RELN: variants seen among roughly 807,000 people sequenced by gnomAD.
The protein encoded by RELN is reelin.
A neutral mutation model predicts 427.6 loss-of-function variants in RELN; 108 were observed. The ratio of observed to expected loss-of-function variants is 0.25; its 90% CI spans 0.22 to 0.30. The LOEUF (loss-of-function observed/expected upper bound fraction) is 0.30. Among genes scored for constraint, RELN ranks in the 10% least tolerant of loss-of-function variants. The probability of loss-of-function intolerance (pLI) is 1.00; values close to 1 mark genes in which losing one functional copy is unlikely to be tolerated. For missense variants in RELN, 3,715 were observed against 4,302.8 expected (o/e 0.86, Z 3.82); for synonymous variants, 1,524 against 1,513.4 (o/e 1.01, Z -0.16).
chr7:103,523,052 G>C (rs1829745675), intron 47 of RELN, among the ~76,000 whole-genome samples: 1 of 152,162 alleles, frequency 6.6e-6, no homozygotes. Context: ...AAATACTCAT[G>C]ATGTATTAGT....
chr7:103,588,852 C>T (rs2382876), intron 28 of RELN, among the ~76,000 whole-genome samples: 114,766 of 151,370 alleles, frequency 0.76, 44,087 homozygotes, highest in African/African-American at 0.88. Flanking sequence ...GACTTCTGCA[C>T]TTCCCACACT....
At chr7:103,852,465 A>T (rs1056976083) in intron 2 of RELN, among the ~76,000 whole-genome samples, 1 of 152,142 alleles carries the variant, frequency 6.6e-6, no homozygotes, top group East Asian at 1.9e-4. Flanking sequence ...TCACATATGA[A>T]ATATAGAAGA....
chr7:103,952,965 C>T (rs1057125758), intron 1 of RELN, among the ~76,000 whole-genome samples: 3 of 152,134 alleles, frequency 2.0e-5, no homozygotes, highest in African/African-American at 7.2e-5. Context: ...CCCCTCTCTC[C>T]TCGCTATGCA....
chr7:103,699,019 C>G (rs1834036036), intron 9 of RELN, among the ~76,000 whole-genome samples: 1 of 152,114 alleles, frequency 6.6e-6, no homozygotes. Context: ...AGATCATCCT[C>G]AAAAACATGA....
At chr7:103,807,371 G>T (rs1049398921) in intron 3 of RELN, among the ~76,000 whole-genome samples, 1 of 152,136 alleles carries the variant, frequency 6.6e-6, no homozygotes, top group Non-Finnish European at 1.5e-5. Context: ...AGTGGCACTG[G>T]ATACTTTTTG....
chr7:103,616,871 G>A (rs1832092369), intron 20 of RELN, among the ~76,000 whole-genome samples: 1 of 152,012 alleles, frequency 6.6e-6, no homozygotes, highest in Non-Finnish European at 1.5e-5. Flanking sequence ...ATACATCCTT[G>A]TATATCTTTG....
chr7:103,907,074 T>C (rs1169838617), intron 2 of RELN, among the ~76,000 whole-genome samples: 1 of 151,776 alleles, frequency 6.6e-6, no homozygotes, highest in Non-Finnish European at 1.5e-5. Flanking sequence ...TAAAAAGAAG[T>C]AGTGATATAT....
chr7:103,537,361 G>A (rs1167520264), intron 45 of RELN, among the ~76,000 whole-genome samples: 1 of 152,094 alleles, frequency 6.6e-6, no homozygotes, highest in East Asian at 1.9e-4. Context: ...CATTGGCTCT[G>A]GAGCTAATCT....
intron 22 of RELN, among the ~76,000 whole-genome samples, chr7:103,609,298 T>C (rs1831893812): frequency 6.6e-6 from 1 of 151,610 alleles, no homozygotes; most frequent in Non-Finnish European, 1.5e-5. Flanking sequence ...CACATGTCAA[T>C]GAGTAAAAAA....
intron 2 of RELN, among the ~76,000 whole-genome samples, chr7:103,844,284 C>T (rs778891758): frequency 6.6e-6 from 1 of 152,182 alleles, no homozygotes; most frequent in Admixed American, 6.5e-5. Flanking sequence ...TCTTTTCTCT[C>T]TCTCCTCAAT....
chr7:103,935,261 C>G (rs1795956209), intron 1 of RELN, among the ~76,000 whole-genome samples: 2 of 152,180 alleles, frequency 1.3e-5, no homozygotes, highest in Non-Finnish European at 2.9e-5. Context: ...ACTTTTCAGT[C>G]AATTCCAAAG....
chr7:103,912,624 C>T (rs999527627), intron 2 of RELN, among the ~76,000 whole-genome samples: 2 of 152,004 alleles, frequency 1.3e-5, no homozygotes, highest in African/African-American at 4.8e-5. Context: ...GCAAGATTAT[C>T]TAGGAAGTAC....
chr7:103,979,180 C>A lies in RELN; in HGVS notation c.226+9951G>T, dbSNP rs138341843. 4.5e-4 allele frequency among the ~76,000 whole-genome samples: 68 copies of A among 152,334 alleles called. No individual in the cohort carries two copies. The East Asian group carries it at 0.012, about 27-fold the overall frequency. On this transcript the variant is annotated intron_variant, in intron 1 of 64. Coordinates refer to ENST00000428762, the MANE Select transcript of RELN (RefSeq NM_005045.4). ...TAGGAAGCTCTCAGCCTGAATCTCT[C>A]CTCGGCCCTTTTATTTAACTTTTAC...
At position 103,953,937 on chromosome 7, in the gene RELN, A is replaced by C. The variant is rs1328482286; in HGVS notation, c.226+35194T>G. 6.6e-6 allele frequency among the ~76,000 whole-genome samples: 1 copy of C among 151,912 alleles called. No individual in the cohort carries two copies. The highest frequency in any genetic ancestry group is 2.4e-5 in the African/African-American group (1 of 41,326). On this transcript the variant is annotated intron_variant, in intron 1 of 64. Coordinates refer to ENST00000428762, the MANE Select transcript of RELN (RefSeq NM_005045.4). The surrounding 1 kb of genome is among the most constrained non-coding windows in gnomAD (Gnocchi z 4.3). ...GCAGAGCAAGACTCCATCTCAAAAAAACAAAACAAACAACAATAACAACAA... is the reference window on the plus strand; with the variant it reads ...GCAGAGCAAGACTCCATCTCAAAAACACAAAACAAACAACAATAACAACAA...
chr7:103,609,286 T>C (rs1327109402), intron 22 of RELN, among the ~76,000 whole-genome samples: 1 of 151,798 alleles, frequency 6.6e-6, no homozygotes, highest in Non-Finnish European at 1.5e-5. Context: ...GAAAGTGTGC[T>C]TCACATGTCA....
At chr7:103,832,147 T>G (rs1793289833) in intron 3 of RELN, among the ~76,000 whole-genome samples, 2 of 152,112 alleles carry the variant, frequency 1.3e-5, no homozygotes, top group African/African-American at 4.8e-5. Context: ...ACTGAACTGT[T>G]TGTCATCAAG....
chr7:103,665,362 GTATATA>G (rs781583835), intron 11 of RELN, among the ~76,000 whole-genome samples: 505 of 90,988 alleles, frequency 5.6e-3, no homozygotes, highest in African/African-American at 0.013. Flanking sequence ...GTGTGTGTGT[GTATATA>G]TATATATATA....
chr7:103,904,894 T>C (rs1795162360), intron 2 of RELN, among the ~76,000 whole-genome samples: 1 of 145,730 alleles, frequency 6.9e-6, no homozygotes, highest in Admixed American at 7.0e-5. Flanking sequence ...AGAGATGAAA[T>C]AAGAACCTAA....
intron 11 of RELN, among the ~76,000 whole-genome samples, chr7:103,677,563 C>A (rs558151633): frequency 1.5e-4 from 23 of 149,346 alleles, no homozygotes; most frequent in African/African-American, 5.6e-4. Flanking sequence ...GTCAGGAGTT[C>A]GAGACGAGCC....
Sources: gnomAD v4.1 joint callset for allele counts (sites outside exome capture counted in the v4.1 genomes callset) on GRCh38, gnomAD v4.1.1 for gene constraint, Gnocchi (gnomAD v3.1) non-coding constraint, MANE v1.5 for transcripts, NCBI Gene and HGNC (gene_info 2026-07-23, HGNC 2026-07-21) for gene names.